The following RORB variants were observed in gnomAD, a reference collection of about 807,000 sequenced individuals.
The protein encoded by RORB is nuclear receptor ROR-beta.
Under a neutral mutation model 59.1 loss-of-function variants are expected in RORB, and 6 were observed. The ratio of observed to expected loss-of-function variants is 0.10; its 90% CI spans 0.06 to 0.20. The LOEUF is 0.20. RORB is among the 10% of genes least tolerant of loss of function. RORB has a pLI of 1.00. For synonymous variants in RORB, 215 were observed against 204.5 expected (o/e 1.05, Z -0.44); for missense variants, 320 against 560.5 (o/e 0.57, Z 4.33).
chr9:74,527,527 A>G (rs1826174602), intron 1 of RORB, among the ~76,000 whole-genome samples: 2 of 152,066 alleles, frequency 1.3e-5, no homozygotes, highest in Non-Finnish European at 2.9e-5. Context: ...AACTGTCAAA[A>G]GGATGCATTG....
intron 1 of RORB, among the ~76,000 whole-genome samples, chr9:74,564,803 G>A (rs1357706640): frequency 6.6e-6 from 1 of 152,218 alleles, no homozygotes; most frequent in South Asian, 2.1e-4. Flanking sequence ...GCACTGACAG[G>A]TTGAGATTTA....
At chr9:74,634,536 T>C (rs1823671798) in intron 2 of RORB, 95 bp from the exon 3 acceptor site, 2 of 1,164,914 alleles carry the variant, frequency 1.7e-6, no homozygotes, top group South Asian at 1.8e-5. Flanking sequence ...AACTCAGTTA[T>C]GTTCACTGCA....
chr9:74,640,240 G>GTGTAT (rs1554672115), intron 3 of RORB, among the ~76,000 whole-genome samples: 2 of 152,016 alleles, frequency 1.3e-5, no homozygotes, highest in African/African-American at 4.8e-5. Flanking sequence ...TTGGTTTGTT[G>GTGTAT]TGTTTTGTTT....
chr9:74,602,920 C>T (rs1431466091), intron 1 of RORB, among the ~76,000 whole-genome samples: 1 of 152,148 alleles, frequency 6.6e-6, no homozygotes, highest in Non-Finnish European at 1.5e-5. Context: ...CCCAAAATAA[C>T]AAGCAACTTG....
At chr9:74,684,587 T>G (rs924455357) in intron 9 of RORB, among the ~76,000 whole-genome samples, 1 of 150,960 alleles carries the variant, frequency 6.6e-6, no homozygotes, top group Non-Finnish European at 1.5e-5. Context: ...CATACGGCAT[T>G]TAAATTATTA....
At position 74,588,950 on chromosome 9, in the gene RORB, AT is replaced by A. The variant is rs201935089; in HGVS notation, c.8-41331del. Among the ~76,000 whole-genome samples the A allele has an allele frequency of 1.6e-3, 235 of 146,034 alleles. 1 individual carries two copies. The highest frequency in any genetic ancestry group is 5.1e-3 in the African/African-American group (205 of 39,824). ...ATTAAGTGATGATTAAAAAAAAAAAATAAGAGACCCAAAAAGAAGTGAAGGC... is the reference window on the plus strand; with the variant it reads ...ATTAAGTGATGATTAAAAAAAAAAAAAAGAGACCCAAAAAGAAGTGAAGGC... On this transcript the variant is annotated intron_variant, in intron 1 of 9. Coordinates refer to ENST00000376896, the MANE Select transcript of RORB (RefSeq NM_006914.4).
intron 1 of RORB, among the ~76,000 whole-genome samples, chr9:74,510,352 T>C (rs975532941): frequency 4.6e-5 from 7 of 152,196 alleles, no homozygotes; most frequent in Admixed American, 1.3e-4. Context: ...ATGTAAAATA[T>C]CTTCTTTGCT....
chr9:74,663,236 T>C (rs1824217977), intron 6 of RORB, among the ~76,000 whole-genome samples: 1 of 151,996 alleles, frequency 6.6e-6, no homozygotes, highest in South Asian at 2.1e-4. Flanking sequence ...ATGATGGTGT[T>C]TATGCGAATT....
intron 1 of RORB, among the ~76,000 whole-genome samples, chr9:74,577,029 G>T (rs922992272): frequency 2.0e-5 from 3 of 152,102 alleles, no homozygotes; most frequent in African/African-American, 7.2e-5. Flanking sequence ...GTGCTCTAGA[G>T]GTTTCAAGTG....
chr9:74,538,269 T>C (rs2118123096), intron 1 of RORB, among the ~76,000 whole-genome samples: 1 of 152,170 alleles, frequency 6.6e-6, no homozygotes. Flanking sequence ...AACATGCATG[T>C]CTCTGAACTT....
At chr9:74,607,500 A>T (rs1024850150) in intron 1 of RORB, among the ~76,000 whole-genome samples, 2 of 152,210 alleles carry the variant, frequency 1.3e-5, no homozygotes, top group African/African-American at 2.4e-5. Flanking sequence ...AAATGAAAAC[A>T]TTTCAGAAGT....
At position 74,691,284 on chromosome 9, in the gene RORB, G is replaced by T. The variant is rs148577781; in HGVS notation, c.*5666G>T. 1.3e-5 allele frequency: 2 copies of T among 152,166 alleles called. No homozygotes were observed. Among genetic ancestry groups the T allele is most frequent in the African/African-American group, 4.8e-5 (2 of 41,432 alleles). The allele number at this position is 152,166 out of a possible 1,614,324, so 9.4% of individuals were successfully genotyped here. A position where few individuals can be genotyped will look rare whatever the true frequency, so the allele number is the denominator to read the frequency against. On this transcript the variant is annotated 3_prime_UTR_variant, in exon 10 of 10. Transcript: ENST00000376896. ...TGAGCCCTGTTCAGGGCAGCACGGGGCATCTGCACCCCAGCTGGGCAGCAT... is the reference window on the plus strand; with the variant it reads ...TGAGCCCTGTTCAGGGCAGCACGGGTCATCTGCACCCCAGCTGGGCAGCAT...
At chr9:74,628,313 C>T (rs1217587760) in intron 1 of RORB, among the ~76,000 whole-genome samples, 7 of 152,068 alleles carry the variant, frequency 4.6e-5, no homozygotes, top group Non-Finnish European at 8.8e-5. Flanking sequence ...GTTTTTTTAT[C>T]ATTAGCTCTT....
chr9:74,584,912 G>A (rs1430787518), intron 1 of RORB, among the ~76,000 whole-genome samples: 5 of 152,186 alleles, frequency 3.3e-5, no homozygotes, highest in African/African-American at 1.2e-4. Context: ...ATGGGAAGTT[G>A]TGTTGTTGGA....
At chr9:74,599,077 C>T (rs529823293) in intron 1 of RORB, among the ~76,000 whole-genome samples, 1 of 152,256 alleles carries the variant, frequency 6.6e-6, no homozygotes, top group East Asian at 1.9e-4. Flanking sequence ...TCCCGCTAGA[C>T]CACACCTCCT....
rs766539793 is a variant in RORB at position 74,642,666 on chromosome 9, C to T, written c.488C>T (p.Pro163Leu). ...EGYYNVDSGQPSPDQSGLDMT... is the reference protein window; with the variant it reads ...EGYYNVDSGQLSPDQSGLDMT... ...TATTACAACGTCGATTCCGGTCAGC[C>T]GTCCCCTGATCAGTCAGGACTTGAC... Residue 163 changes from proline to leucine, a missense_variant, in exon 4 of 10, where the codon CCG becomes CTG. Pro to Leu is a moderately conservative substitution (Grantham distance 98). This residue lies in a region of RORB where 134 missense variants were observed against 156.2 expected (regional missense o/e 0.86). Transcript: ENST00000376896. 7 of 1,614,176 alleles carry T rather than the reference C, an allele frequency of 4.3e-6. No homozygotes were observed. The highest frequency in any genetic ancestry group is 1.1e-5 in the South Asian group (1 of 91,068).
intron 1 of RORB, among the ~76,000 whole-genome samples, chr9:74,605,266 T>C (rs1823130842): frequency 6.6e-6 from 1 of 152,104 alleles, no homozygotes; most frequent in South Asian, 2.1e-4. Flanking sequence ...CAAGTGACAA[T>C]TCTCATTCGG....
At chr9:74,538,797 G>T (rs1241036227) in intron 1 of RORB, among the ~76,000 whole-genome samples, 1 of 150,874 alleles carries the variant, frequency 6.6e-6, no homozygotes, top group Non-Finnish European at 1.5e-5. Flanking sequence ...TCATAATTAA[G>T]AGCATCGTCT....
At chr9:74,521,867 A>C (rs1156349758) in intron 1 of RORB, among the ~76,000 whole-genome samples, 1 of 151,774 alleles carries the variant, frequency 6.6e-6, no homozygotes, top group Non-Finnish European at 1.5e-5. Flanking sequence ...GCCTCTTTAG[A>C]TGGTTCACTA....
Sources: gnomAD v4.1 joint callset for allele counts (sites outside exome capture counted in the v4.1 genomes callset) on GRCh38, gnomAD v4.1.1 for gene constraint, gnomAD v4.1.1 regional missense constraint, MANE v1.5 for transcripts, NCBI Gene and HGNC (gene_info 2026-07-23, HGNC 2026-07-21) for gene names.